The following VRK2 variants were observed in gnomAD, a reference collection of about 807,000 sequenced individuals.
VRK2 encodes VRK serine/threonine kinase 2, also known as serine/threonine-protein kinase VRK2.
A neutral mutation model predicts 57.6 loss-of-function variants in VRK2; 60 were observed. That is an observed-to-expected ratio of 1.04 (90% CI 0.85 to 1.29). The LOEUF (loss-of-function observed/expected upper bound fraction) is 1.29. VRK2 is among the 50% of genes most tolerant of loss of function. VRK2 has a pLI of 0.00. For missense variants in VRK2, 705 were observed against 588.1 expected, an observed-to-expected ratio of 1.20 and a Z score of -2.06; for synonymous variants, 231 against 199.2, an observed-to-expected ratio of 1.16 and a Z score of -1.35.
chr2:57,960,507 G>A (rs575644233), intron 1 of VRK2, among the ~76,000 whole-genome samples: 1 of 152,280 alleles, frequency 6.6e-6, no homozygotes, highest in Admixed American at 6.5e-5. Flanking sequence ...GTATCTACTT[G>A]TATTTGCATT....
Position 58,125,651 on chromosome 2 carries a change from T to C in VRK2, c.676+2418T>C, listed in dbSNP as rs1405717428. The stretch of plus-strand genomic sequence containing the variant: ...CTTATAAAATAGTAGATTTCCTTAA[T>C]GCATTTTAAATAGGATTTACACTAA... On this transcript the variant is annotated intron_variant, in intron 8 of 12. Transcript: ENST00000340157. Among the ~76,000 whole-genome samples, 11 of 152,222 alleles carry C rather than the reference T, an allele frequency of 7.2e-5. No homozygotes were observed. In the East Asian group the frequency reaches 2.1e-3, roughly 29 times the overall value.
chr2:58,104,455 A>T (rs1674452627), intron 7 of VRK2, among the ~76,000 whole-genome samples: 1 of 149,446 alleles, frequency 6.7e-6, no homozygotes, highest in Non-Finnish European at 1.5e-5. Flanking sequence ...AGGCAATTTT[A>T]TTTACAGTAA....
chr2:58,073,414 C>T (rs910428367), intron 2 of VRK2, among the ~76,000 whole-genome samples: 7 of 151,956 alleles, frequency 4.6e-5, no homozygotes, highest in East Asian at 3.9e-4. Context: ...TTTAAGTCTC[C>T]GGCTATAACA....
chr2:57,958,190 T>C (rs1671643783), intron 1 of VRK2, among the ~76,000 whole-genome samples: 1 of 152,214 alleles, frequency 6.6e-6, no homozygotes, highest in African/African-American at 2.4e-5. Context: ...TGTTATGTTT[T>C]GTTTTTAATG....
intron 8 of VRK2, among the ~76,000 whole-genome samples, chr2:58,125,746 A>G (rs1409072973): frequency 6.6e-6 from 1 of 152,128 alleles, no homozygotes; most frequent in Non-Finnish European, 1.5e-5. Context: ...TTACATATAT[A>G]TGCACATATG....
chr2:57,965,800 G>A (rs146033272), intron 1 of VRK2, among the ~76,000 whole-genome samples: 1 of 152,044 alleles, frequency 6.6e-6, no homozygotes, highest in Admixed American at 6.6e-5. Context: ...ATCCAATATA[G>A]AGGCCCTGTC....
intron 1 of VRK2, among the ~76,000 whole-genome samples, chr2:58,015,883 ACATTT>A (rs1673565278): frequency 6.6e-6 from 1 of 152,170 alleles, no homozygotes; most frequent in Admixed American, 6.5e-5. Flanking sequence ...CTGTCTTCAG[ACATTT>A]GATTTTTATA....
chr2:58,050,576 A>G (rs1323339133), intron 2 of VRK2, among the ~76,000 whole-genome samples: 1 of 152,200 alleles, frequency 6.6e-6, no homozygotes, highest in East Asian at 1.9e-4. Flanking sequence ...TATTTGAGTA[A>G]TTTCAAAGAA....
intron 1 of VRK2, among the ~76,000 whole-genome samples, chr2:57,908,161 C>T (rs902431147): frequency 4.6e-5 from 7 of 152,174 alleles, no homozygotes; most frequent in African/African-American, 1.7e-4. Flanking sequence ...AGTTAAAGAA[C>T]TTAGAGGAGC....
At chr2:57,949,237 C>A (rs939973806) in intron 1 of VRK2, among the ~76,000 whole-genome samples, 1 of 152,116 alleles carries the variant, frequency 6.6e-6, no homozygotes. Context: ...AAGTTATATT[C>A]AGGTATACCC....
intron 2 of VRK2, chr2:58,058,560 A>G (rs1676870904): frequency 6.5e-6 from 2 of 306,932 alleles, no homozygotes; most frequent in Non-Finnish European, 6.6e-6. Flanking sequence ...GGCCATGAAC[A>G]TAGAACACAG....
intron 1 of VRK2, among the ~76,000 whole-genome samples, chr2:57,948,009 T>C (rs888713756): frequency 6.6e-6 from 1 of 152,144 alleles, no homozygotes; most frequent in African/African-American, 2.4e-5. Flanking sequence ...TTCTGACCCA[T>C]CACAAACTCA....
chr2:58,037,626 A>C (rs1436042417), intron 3 of VRK2, among the ~76,000 whole-genome samples: 2 of 152,152 alleles, frequency 1.3e-5, no homozygotes, highest in African/African-American at 4.8e-5. Context: ...GAGTATTCTC[A>C]GGATTGAGAA....
chr2:58,060,976 G>A (rs183835689), intron 2 of VRK2, among the ~76,000 whole-genome samples: 378 of 151,874 alleles, frequency 2.5e-3, no homozygotes, highest in Non-Finnish European at 4.0e-3. Flanking sequence ...ATAGATTATC[G>A]CTAAAATAGG....
intron 1 of VRK2, among the ~76,000 whole-genome samples, chr2:58,015,347 G>A (rs932339632): frequency 2.6e-5 from 4 of 152,100 alleles, no homozygotes; most frequent in Non-Finnish European, 4.4e-5. Context: ...TGTTTGTTCT[G>A]GAGTCAAGCA....
At chr2:58,046,397 A>T (rs147967028), upstream of VRK2, 7,481 of 754,754 alleles carry the variant, frequency 9.9e-3, 36 homozygotes, top group Middle Eastern at 0.029. Flanking sequence ...AGTCTTCGCT[A>T]GTACCAATAG....
At chr2:58,060,992 A>C (rs1469960426) in intron 2 of VRK2, among the ~76,000 whole-genome samples, 1 of 151,936 alleles carries the variant, frequency 6.6e-6, no homozygotes, top group East Asian at 1.9e-4. Context: ...ATAGGCTTGA[A>C]AGGAGTGTAT....
At chr2:58,083,610 A>G (rs1005555399) in intron 2 of VRK2, among the ~76,000 whole-genome samples, 3 of 151,806 alleles carry the variant, frequency 2.0e-5, no homozygotes, top group Admixed American at 2.0e-4. Context: ...TCAAGTATAA[A>G]TTGTTTTGAA....
rs749322637 is a variant in VRK2, at chr2:58,139,662, A to C, written c.857-4A>C. 6.2e-7 allele frequency: 1 copy of C among 1,606,824 alleles called. No homozygotes were observed. Among genetic ancestry groups the C allele is most frequent in the Admixed American group, 1.7e-5 (1 of 58,436 alleles). ...TGACATGTAAAAAATTTAATAATTC[A>C]CAGGTGAAATAGCCCAATTTTTGGT... On this transcript the variant is annotated splice_polypyrimidine_tract_variant and splice_region_variant and intron_variant, in intron 10 of 12. Transcript: ENST00000340157.
Sources: gnomAD v4.1 joint callset for allele counts (sites outside exome capture counted in the v4.1 genomes callset) on GRCh38, gnomAD v4.1.1 for gene constraint, MANE v1.5 for transcripts, NCBI Gene and HGNC (gene_info 2026-07-23, HGNC 2026-07-21) for gene names.